CERS6: variants seen among roughly 807,000 people sequenced by gnomAD.
The protein encoded by CERS6 is ceramide synthase 6.
In CERS6, 26 loss-of-function variants were observed where a neutral mutation model predicts 56.8. The observed-to-expected ratio is 0.46, with a 90% confidence interval of 0.34 to 0.63. The LOEUF (loss-of-function observed/expected upper bound fraction) is 0.63. Among genes scored for constraint, CERS6 ranks in the 30% least tolerant of loss-of-function variants. The pLI, the probability that CERS6 is intolerant of heterozygous loss-of-function variation, is 0.01. For missense variants in CERS6, 415 were observed against 467.5 expected, an observed-to-expected ratio of 0.89 and a Z score of 1.04; for synonymous variants, 164 against 173.3, an observed-to-expected ratio of 0.95 and a Z score of 0.42.
intron 1 of CERS6, among the ~76,000 whole-genome samples, chr2:168,511,704 C>T (rs1694790160): frequency 6.6e-6 from 1 of 152,062 alleles, no homozygotes. Flanking sequence ...TCAATTAATC[C>T]TGTTTTTCTT....
At chr2:168,498,439 T>C (rs950938780) in intron 1 of CERS6, among the ~76,000 whole-genome samples, 2 of 152,178 alleles carry the variant, frequency 1.3e-5, no homozygotes, top group East Asian at 3.9e-4. Flanking sequence ...TGAAAAGCAA[T>C]GCTTCCAAAG....
chr2:168,520,681 C>T (rs1003538137), intron 1 of CERS6, among the ~76,000 whole-genome samples: 8 of 136,908 alleles, frequency 5.8e-5, no homozygotes, highest in African/African-American at 1.9e-4. Flanking sequence ...GCACCCTTAG[C>T]TCACCGCAAC....
chr2:168,490,663 C>A (rs1378842490), intron 1 of CERS6, among the ~76,000 whole-genome samples: 1 of 152,122 alleles, frequency 6.6e-6, no homozygotes, highest in Non-Finnish European at 1.5e-5. Context: ...CTTTGTTGCT[C>A]ATCTCTGTCC....
chr2:168,534,730 C>T (rs182756724), intron 1 of CERS6, among the ~76,000 whole-genome samples: 1,927 of 152,292 alleles, frequency 0.013, 16 homozygotes, highest in Non-Finnish European at 0.018. Context: ...CAACAGGACC[C>T]GTTTAACAAA....
chr2:168,591,398 G>C lies in CERS6; in HGVS notation c.407+30076G>C, dbSNP rs114917584. Among the ~76,000 whole-genome samples the C allele has an allele frequency of 4.4e-3, 668 of 152,298 alleles. 7 individuals are homozygous for C. Among genetic ancestry groups the C allele is most frequent in the African/African-American group, 0.015 (622 of 41,564 alleles). On this transcript the variant is annotated intron_variant, in intron 3 of 9. Coordinates refer to ENST00000305747, the MANE Select transcript of CERS6 (RefSeq NM_203463.3). ...TGACTGACAGAATGAGAGTTTGATAGCCAAATTGAGATTACTGGCATTTAA... is the reference window on the plus strand; with the variant it reads ...TGACTGACAGAATGAGAGTTTGATACCCAAATTGAGATTACTGGCATTTAA...
chr2:168,725,986 G>A (rs889371620), intron 8 of CERS6, among the ~76,000 whole-genome samples: 1 of 152,146 alleles, frequency 6.6e-6, no homozygotes, highest in Non-Finnish European at 1.5e-5. Flanking sequence ...GTCCACTTAT[G>A]TGTAATCTCT....
intron 3 of CERS6, among the ~76,000 whole-genome samples, chr2:168,570,323 G>A (rs1201294045): frequency 6.6e-6 from 1 of 152,226 alleles, no homozygotes; most frequent in Non-Finnish European, 1.5e-5. Flanking sequence ...AGAAGTGGAT[G>A]AAGAAAGGTG....
At chr2:168,636,277 G>C (rs1037947200) in intron 4 of CERS6, among the ~76,000 whole-genome samples, 5 of 152,070 alleles carry the variant, frequency 3.3e-5, no homozygotes, top group Non-Finnish European at 7.4e-5. Flanking sequence ...GCTGTCTTTG[G>C]ACTGTCTAGG....
At chr2:168,720,073 C>T (rs909366579) in intron 8 of CERS6, among the ~76,000 whole-genome samples, 9 of 66,566 alleles carry the variant, frequency 1.4e-4, no homozygotes, top group African/African-American at 2.7e-4. Flanking sequence ...GACTACAGCA[C>T]GCACCACCAG....
intron 8 of CERS6, among the ~76,000 whole-genome samples, chr2:168,733,824 C>T (rs1683628619): frequency 6.6e-6 from 1 of 152,154 alleles, no homozygotes; most frequent in Non-Finnish European, 1.5e-5. Context: ...TGATAGTGAT[C>T]ACTTCCCATG....
rs567510887 is a variant in CERS6 at position 168,760,840 on chromosome 2, C to A, written c.846-4752C>A. On this transcript the variant is annotated intron_variant, in intron 8 of 9. Transcript: ENST00000305747. ...GCGCGATCTCGGCTCACTGCAAGCT[C>A]CGCCTCCCGGGTTCACGCCATTCTC... Among the ~76,000 whole-genome samples, 1,216 of 152,152 alleles carry A rather than the reference C, an allele frequency of 8.0e-3. 14 individuals carry two copies. Among genetic ancestry groups the A allele is most frequent in the African/African-American group, 0.027 (1,118 of 41,482 alleles).
intron 4 of CERS6, among the ~76,000 whole-genome samples, chr2:168,685,029 A>C (rs1357796663): frequency 2.6e-5 from 4 of 152,202 alleles, no homozygotes; most frequent in Admixed American, 2.0e-4. Flanking sequence ...GTAGTTTAAG[A>C]ATCTAGGTTT....
At position 168,598,314 on chromosome 2, in the gene CERS6, T is replaced by C. The variant is rs555441045; in HGVS notation, c.408-32671T>C. Among the ~76,000 whole-genome samples, 4 of 152,322 alleles carry C rather than the reference T, an allele frequency of 2.6e-5. No homozygotes were observed. The South Asian group carries it at 8.3e-4, about 32-fold the overall frequency. On this transcript the variant is annotated intron_variant, in intron 3 of 9. Coordinates refer to ENST00000305747, the MANE Select transcript of CERS6 (RefSeq NM_203463.3). ...AAATAAGAGACTGTAATGACTTGAA[T>C]ATATGGCAACCTCGTTTTTGGGGGG... is the stretch of plus-strand genomic sequence containing the variant.
chr2:168,497,369 C>CAATA (rs745716623), intron 1 of CERS6, among the ~76,000 whole-genome samples: 19 of 146,744 alleles, frequency 1.3e-4, no homozygotes, highest in East Asian at 2.0e-4. Context: ...AATACCACAG[C>CAATA]AATAAATAAA....
intron 1 of CERS6, among the ~76,000 whole-genome samples, chr2:168,495,484 C>T (rs1218438832): frequency 6.6e-6 from 1 of 152,194 alleles, no homozygotes; most frequent in Non-Finnish European, 1.5e-5. Flanking sequence ...TCCATCTTTG[C>T]TTCAAAGTCT....
intron 3 of CERS6, among the ~76,000 whole-genome samples, chr2:168,580,939 T>C (rs1389832313): frequency 1.3e-5 from 2 of 152,208 alleles, no homozygotes; most frequent in Non-Finnish European, 2.9e-5. Context: ...AGTCTTTGTC[T>C]TTCTGTATTG....
chr2:168,519,640 G>A (rs889597792), intron 1 of CERS6, among the ~76,000 whole-genome samples: 9 of 152,092 alleles, frequency 5.9e-5, no homozygotes, highest in African/African-American at 2.2e-4. Flanking sequence ...GCAGTATTTG[G>A]TTTTCTGTTT....
intron 8 of CERS6, among the ~76,000 whole-genome samples, chr2:168,750,705 A>G (rs1300528825): frequency 6.6e-6 from 1 of 152,252 alleles, no homozygotes; most frequent in African/African-American, 2.4e-5. Context: ...ATATTGAAAT[A>G]AACATCTTCA....
chr2:168,558,143 A>G (rs1695717141), intron 2 of CERS6, among the ~76,000 whole-genome samples: 1 of 152,216 alleles, frequency 6.6e-6, no homozygotes, highest in African/African-American at 2.4e-5. Context: ...GAGGCTTTGG[A>G]AAATGGGCGC....
Sources: gnomAD v4.1 joint callset for allele counts (sites outside exome capture counted in the v4.1 genomes callset) on GRCh38, gnomAD v4.1.1 for gene constraint, MANE v1.5 for transcripts, NCBI Gene and HGNC (gene_info 2026-07-23, HGNC 2026-07-21) for gene names.